Variants in NEDD4L observed in about 807,000 individuals in gnomAD.
NEDD4L encodes the protein NEDD4 like E3 ubiquitin protein ligase.
Under a neutral mutation model 148.9 loss-of-function variants are expected in NEDD4L, and 54 were observed. That is an observed-to-expected ratio of 0.36 (90% CI 0.29 to 0.45). The LOEUF (loss-of-function observed/expected upper bound fraction) is 0.45, where lower values mean the gene tolerates loss of function less well. Ranked by LOEUF, NEDD4L falls within the 20% of genes least tolerant of loss-of-function variation. The probability of loss-of-function intolerance (pLI) is 1.00; values close to 1 mark genes in which losing one functional copy is unlikely to be tolerated. For missense variants in NEDD4L, 856 were observed against 1,233.8 expected, an observed-to-expected ratio of 0.69 and a Z score of 4.59; for synonymous variants, 433 against 440.7, an observed-to-expected ratio of 0.98 and a Z score of 0.22.
At chr18:58,255,850 G>T in intron 5 of NEDD4L, 1 of 1,232,458 alleles carries the variant, frequency 8.1e-7, no homozygotes, top group Non-Finnish European at 1.0e-6. Context: ...AGCGGAGCTC[G>T]TCCATGTTCA....
chr18:58,343,891 C>T (rs2042738891), intron 16 of NEDD4L, among the ~76,000 whole-genome samples: 1 of 152,206 alleles, frequency 6.6e-6, no homozygotes, highest in Non-Finnish European at 1.5e-5. Context: ...TATATAATCT[C>T]TATACCTGTA....
rs375854713 is a variant in NEDD4L, at chr18:58,259,095, G to A, written c.297+7041G>A. The stretch of plus-strand genomic sequence containing the variant: ...TACCGCTCGGGATTCATTTGACAAC[G>A]TGCTCATATTTCATAAGCTATACTT... On this transcript the variant is annotated intron_variant, in intron 5 of 30. Coordinates refer to ENST00000400345, the MANE Select transcript of NEDD4L (RefSeq NM_001144967.3). Among the ~76,000 whole-genome samples the A allele has an allele frequency of 3.3e-5, 5 of 152,302 alleles. No homozygotes were observed. In the East Asian group the frequency reaches 5.8e-4, roughly 18 times the overall value.
chr18:58,176,458 C>T (rs2038168384), intron 2 of NEDD4L, among the ~76,000 whole-genome samples: 1 of 152,198 alleles, frequency 6.6e-6, no homozygotes, highest in Non-Finnish European at 1.5e-5. Context: ...GCCTCAGCCT[C>T]CCCAGTAGCT....
intron 5 of NEDD4L, among the ~76,000 whole-genome samples, chr18:58,296,233 A>G (rs1020659152): frequency 1.3e-5 from 2 of 152,162 alleles, no homozygotes; most frequent in African/African-American, 2.4e-5. Flanking sequence ...GTCCCATGCA[A>G]TTCAGCCTTG....
intron 2 of NEDD4L, chr18:58,194,075 A>C (rs1336408319): frequency 6.6e-6 from 1 of 152,300 alleles, no homozygotes; most frequent in Non-Finnish European, 1.5e-5. Context: ...TAGTGGCCTG[A>C]TTACGAGTCT....
At chr18:58,096,324 C>T (rs986279984) in intron 1 of NEDD4L, among the ~76,000 whole-genome samples, 4 of 149,332 alleles carry the variant, frequency 2.7e-5, no homozygotes, top group African/African-American at 1.0e-4. Context: ...ATCCTCCTGG[C>T]CTTAGTGTGA....
At chr18:58,315,872 C>A in intron 5 of NEDD4L, 110 bp from the exon 6 acceptor site, 1 of 977,200 alleles carries the variant, frequency 1.0e-6, no homozygotes, top group Non-Finnish European at 1.7e-6. Context: ...CCTCCACATT[C>A]CAGTGCCAGG....
At chr18:58,370,119 T>A (rs1308522204) in intron 22 of NEDD4L, among the ~76,000 whole-genome samples, 1 of 152,120 alleles carries the variant, frequency 6.6e-6, no homozygotes, top group Admixed American at 6.6e-5. Context: ...ACGCCTGATT[T>A]GCACTGCGGA....
rs1319849877 is a variant in NEDD4L, at chr18:58,264,227, A to G, written c.297+12173A>G. On this transcript the variant is annotated intron_variant, in intron 5 of 30. Coordinates refer to ENST00000400345, the MANE Select transcript of NEDD4L (RefSeq NM_001144967.3). ...GATGTTATACACATTAGCACGCATT[A>G]TTAGGTGCCCAAATGCCAAGGCTAA... Among the ~76,000 whole-genome samples the G allele has an allele frequency of 2.6e-5, 4 of 152,114 alleles. No individual in the cohort carries two copies. In the South Asian group the frequency reaches 8.3e-4, roughly 31 times the overall value.
At chr18:58,208,155 T>C (rs532939257) in intron 2 of NEDD4L, among the ~76,000 whole-genome samples, 1 of 152,314 alleles carries the variant, frequency 6.6e-6, no homozygotes, top group East Asian at 1.9e-4. Context: ...AATATAATAG[T>C]AACATTTTAT....
intron 2 of NEDD4L, among the ~76,000 whole-genome samples, chr18:58,233,749 A>T (rs972631161): frequency 6.6e-6 from 1 of 152,242 alleles, no homozygotes; most frequent in Non-Finnish European, 1.5e-5. Flanking sequence ...TAGGTGGCTA[A>T]CAACAGAAAT....
chr18:58,392,232 C>T (rs2049929620), intron 30 of NEDD4L, among the ~76,000 whole-genome samples: 1 of 152,234 alleles, frequency 6.6e-6, no homozygotes, highest in Non-Finnish European at 1.5e-5. Flanking sequence ...ACTCAAACTC[C>T]CATGTCCCTC....
chr18:58,251,939 C>A, intron 4 of NEDD4L, 62 bp from the exon 5 acceptor site: 1 of 890,276 alleles, frequency 1.1e-6, no homozygotes, highest in South Asian at 1.4e-5. Flanking sequence ...TCTTTCTGTT[C>A]CTTACGTCGC....
chr18:58,175,318 CTGT>C lies in NEDD4L; in HGVS notation c.122+9462_122+9464del, dbSNP rs201841210. 8.5e-3 allele frequency among the ~76,000 whole-genome samples: 1,223 copies of C among 143,420 alleles called. 17 individuals carry two copies. Among genetic ancestry groups the C allele is most frequent in the African/African-American group, 0.032 (1,151 of 36,358 alleles). The allele number at this position is 143,420 out of a possible 152,430, so 94.1% of individuals were successfully genotyped here. A position where few individuals can be genotyped will look rare whatever the true frequency, so the allele number is the denominator to read the frequency against. On this transcript the variant is annotated intron_variant, in intron 2 of 30. Transcript: ENST00000400345. ...CTGGCCACTAGGGACCGTACACCTC[CTGT>C]TGTTTTCATGGGGGCTGGTTTCCCT... is the stretch of plus-strand genomic sequence containing the variant.
intron 19 of NEDD4L, among the ~76,000 whole-genome samples, chr18:58,362,454 A>G (rs2045607092): frequency 6.6e-6 from 1 of 152,192 alleles, no homozygotes; most frequent in East Asian, 1.9e-4. Context: ...GAAACTCCTT[A>G]GTAGAGAGGA....
At chr18:58,207,068 G>A (rs185870994) in intron 2 of NEDD4L, among the ~76,000 whole-genome samples, 24 of 152,222 alleles carry the variant, frequency 1.6e-4, no homozygotes, top group African/African-American at 5.3e-4. Flanking sequence ...TTTAGCATAC[G>A]GTTGTTTGCC....
intron 5 of NEDD4L, among the ~76,000 whole-genome samples, chr18:58,261,957 TCTACATTTC>T (rs1338552548): frequency 1.3e-5 from 2 of 152,228 alleles, no homozygotes; most frequent in Non-Finnish European, 2.9e-5. Flanking sequence ...TACCAGAATG[TCTACATTTC>T]CTCTGTAAAT....
chr18:58,349,467 GA>G, intron 16 of NEDD4L, 69 bp from the exon 17 acceptor site: 1 of 1,341,196 alleles, frequency 7.5e-7, no homozygotes, highest in Non-Finnish European at 1.1e-6. Context: ...AGCTCAAGAA[GA>G]AAAGCACCCA....
intron 13 of NEDD4L, 169 bp from the exon 14 acceptor site, chr18:58,340,869 C>A: frequency 1.5e-6 from 1 of 645,686 alleles, no homozygotes; most frequent in Non-Finnish European, 2.5e-6. Context: ...AGATTTGAAG[C>A]TGTTGGAAAT....
Sources: gnomAD v4.1 joint callset for allele counts (sites outside exome capture counted in the v4.1 genomes callset) on GRCh38, gnomAD v4.1.1 for gene constraint, MANE v1.5 for transcripts, NCBI Gene and HGNC (gene_info 2026-07-23, HGNC 2026-07-21) for gene names.